ZFP64: variants seen among roughly 807,000 people sequenced by gnomAD.
ZFP64 encodes zinc finger protein 64.
ZFP64 carries 14 observed loss-of-function variants against 51.6 expected under a neutral mutation model. The observed-to-expected ratio is 0.27, with a 90% CI of 0.18 to 0.42. ZFP64 has a LOEUF of 0.42. Ranked by LOEUF, ZFP64 falls within the 10% of genes least tolerant of loss-of-function variation. The pLI, the probability that ZFP64 is intolerant of heterozygous loss-of-function variation, is 1.00. For synonymous variants in ZFP64, 375 were observed against 361.4 expected, an observed-to-expected ratio of 1.04 and a Z score of -0.43; for missense variants, 754 against 906.8, an observed-to-expected ratio of 0.83 and a Z score of 2.16.
chr20:52,156,398 C>T (rs1981323519), intron 5 of ZFP64, among the ~76,000 whole-genome samples: 2 of 152,228 alleles, frequency 1.3e-5, no homozygotes, highest in East Asian at 1.9e-4. Flanking sequence ...TGCTTGCTTA[C>T]ACCTCGGTCA....
At chr20:52,189,174 G>C (rs545326847) in intron 1 of ZFP64, among the ~76,000 whole-genome samples, 1 of 152,128 alleles carries the variant, frequency 6.6e-6, no homozygotes, top group South Asian at 2.1e-4. Flanking sequence ...GCCGAGATGG[G>C]TGGATCACAA....
At chr20:52,096,685 T>A (rs2078992173) in intron 7 of ZFP64, 1 of 182,662 alleles carries the variant, frequency 5.5e-6, no homozygotes, top group African/African-American at 2.3e-5. Context: ...GGTCAGGAGT[T>A]CGAGACCAGC....
chr20:52,085,403 C>T lies in ZFP64; in HGVS notation c.1229-137G>A. On this transcript the variant is annotated intron_variant, in intron 8 of 8. Coordinates refer to the ZFP64 transcript ENST00000361387. This position sits in a 1 kb window ranked among gnomAD's most constrained non-coding sequence, Gnocchi z 4.3. ...TAAACCCAACCTCCTAATGACAACA[C>T]TTGTTGTGCATATTAATGCAATCCT... 1 of 913,628 alleles carries T rather than the reference C, an allele frequency of 1.1e-6. No homozygotes were observed. The highest frequency in any genetic ancestry group is 2.2e-4 in the Middle Eastern group (1 of 4,482). 56.6% of individuals were successfully genotyped at this position (913,628 alleles called of 1,614,324 possible). A position where few individuals can be genotyped will look rare whatever the true frequency, so the allele number is the denominator to read the frequency against.
intron 5 of ZFP64, among the ~76,000 whole-genome samples, chr20:52,136,096 C>CAAAAAAAAAA (rs71192597): frequency 7.9e-5 from 3 of 38,034 alleles, no homozygotes; most frequent in African/African-American, 1.1e-4. Context: ...GAGACTCTCT[C>CAAAAAAAAAA]AAAAAAAAAA....
At chr20:52,088,470 G>A in exon 8 of ZFP64, 6 of 1,614,170 alleles carry the variant, frequency 3.7e-6, no homozygotes, top group Non-Finnish European at 4.2e-6. Context: ...TTGTACGGCC[G>A]CTCATCAGAG....
At chr20:52,189,982 CTCA>C (rs944562491) in intron 1 of ZFP64, among the ~76,000 whole-genome samples, 5 of 152,052 alleles carry the variant, frequency 3.3e-5, no homozygotes, top group African/African-American at 1.2e-4. Flanking sequence ...AAAATTATGC[CTCA>C]TAATTTTCTG....
chr20:52,123,069 C>A (rs1426055007), intron 5 of ZFP64, among the ~76,000 whole-genome samples: 2 of 152,090 alleles, frequency 1.3e-5, no homozygotes, highest in African/African-American at 4.8e-5. Context: ...TGGCTCACTG[C>A]AACCTCCACC....
chr20:52,152,593 T>C lies in ZFP64; in HGVS notation c.1599A>G (p.Glu533=). The change falls in exon 6 of 6, where the codon GAA becomes GAG. Residue 533 remains glutamate, a synonymous_variant. Transcript: ENST00000216923. The part of the protein sequence containing the change: ...PPALVAQNPE[E]LPGNSRLQIL... ...TCTGCAGCCGGCTGTTCCCTGGGAG[T>C]TCCTCTGGGTTCTGGGCCACCAAGG... is the stretch of plus-strand genomic sequence containing the variant. 2 of 1,545,410 alleles carry C rather than the reference T, an allele frequency of 1.3e-6. No homozygotes were observed. The highest frequency in any genetic ancestry group is 1.7e-6 in the Non-Finnish European group (2 of 1,149,976).
exon 9 of ZFP64, chr20:52,084,497 G>A (rs2123190398): frequency 6.6e-7 from 1 of 1,511,758 alleles, no homozygotes; most frequent in South Asian, 1.3e-5. Context: ...CTCACCTCTG[G>A]AGGGCTGGGC....
At chr20:52,186,482 T>G (rs960004448) in intron 2 of ZFP64, among the ~76,000 whole-genome samples, 1 of 152,002 alleles carries the variant, frequency 6.6e-6, no homozygotes, top group Admixed American at 6.6e-5. Context: ...ACTCAAGGAT[T>G]GTACCCATAC....
In ZFP64 at chr20:52,144,578, C is replaced by CAAAAAAAAAAAAAAAAAAAAAAA. The variant is rs1156545584; in HGVS notation, c.763+15522_763+15544dup. ...CTGGTGACAGAGCGAGACTCCGTCTCAAAAAAAAAAAAAAAAAAAAAAAAT... is the reference window on the plus strand; with the variant it reads ...CTGGTGACAGAGCGAGACTCCGTCTCAAAAAAAAAAAAAAAAAAAAAAAAAAAAAAAAAAAAAAAAAAAAAAAT... On this transcript the variant is annotated intron_variant, in intron 5 of 8. Coordinates refer to the ZFP64 transcript ENST00000361387. Among the ~76,000 whole-genome samples the CAAAAAAAAAAAAAAAAAAAAAAA allele has an allele frequency of 1.0e-3, 24 of 23,326 alleles. 1 individual carries two copies. Among genetic ancestry groups the CAAAAAAAAAAAAAAAAAAAAAAA allele is most frequent in the South Asian group, 4.8e-3 (2 of 414 alleles). The allele number at this position is 23,326 out of a possible 152,430, so 15.3% of individuals were successfully genotyped here. A position where few individuals can be genotyped will look rare whatever the true frequency, so the allele number is the denominator to read the frequency against.
chr20:52,191,483 G>T lies in ZFP64; in HGVS notation c.46+108C>A. 1 of 1,313,300 alleles carries T rather than the reference G, an allele frequency of 7.6e-7. No individual in the cohort carries two copies. Among genetic ancestry groups the T allele is most frequent in the Non-Finnish European group, 9.8e-7 (1 of 1,021,436 alleles). The allele number at this position is 1,313,300 out of a possible 1,614,324, so 81.4% of individuals were successfully genotyped here. On this transcript the variant is annotated intron_variant, in intron 1 of 5. Coordinates refer to ENST00000216923, the MANE Select transcript of ZFP64 (RefSeq NM_018197.3). The surrounding 1 kb of genome is among the most constrained non-coding windows in gnomAD (Gnocchi z 4.3). ...AGACGCGGCTCCGAGCCGTCACCCCGATTTCGGGGCCCCGGGCCTGCTGGC... is the reference window on the plus strand; with the variant it reads ...AGACGCGGCTCCGAGCCGTCACCCCTATTTCGGGGCCCCGGGCCTGCTGGC...
chr20:52,122,530 A>G (rs918698191), intron 5 of ZFP64, among the ~76,000 whole-genome samples: 1 of 151,084 alleles, frequency 6.6e-6, no homozygotes, highest in Non-Finnish European at 1.5e-5. Flanking sequence ...AAAGAAATAC[A>G]TTTTATAAGA....
At chr20:52,110,069 C>T (rs1259056362) in intron 5 of ZFP64, among the ~76,000 whole-genome samples, 2 of 152,088 alleles carry the variant, frequency 1.3e-5, no homozygotes, top group Non-Finnish European at 2.9e-5. Flanking sequence ...AAGACCTGGG[C>T]CGTACACTCC....
intron 2 of ZFP64, among the ~76,000 whole-genome samples, chr20:52,177,217 A>G (rs1360032840): frequency 6.6e-6 from 1 of 152,030 alleles, no homozygotes; most frequent in African/African-American, 2.4e-5. Context: ...TAAAGTTTAG[A>G]TATCTTTATA....
In ZFP64 at chr20:52,171,498, A is replaced by AT. The variant is rs967052047; in HGVS notation, c.287-5474dup. On this transcript the variant is annotated intron_variant, in intron 2 of 5. Coordinates refer to ENST00000216923, the MANE Select transcript of ZFP64 (RefSeq NM_018197.3). ...TGGACCAATTTGGGTGTTTTATTTC[A>AT]TTTTTTTTTTAGATGGAGTCTCGCT... 5.7e-4 allele frequency among the ~76,000 whole-genome samples: 85 copies of AT among 148,322 alleles called. No individual in the cohort carries two copies. The Middle Eastern group carries it at 0.01, about 18-fold the overall frequency.
downstream of ZFP64, among the ~76,000 whole-genome samples, chr20:52,147,006 C>T (rs1487374616): frequency 5.3e-5 from 8 of 152,292 alleles, no homozygotes; most frequent in Middle Eastern, 3.4e-3. Context: ...CAAATACTTA[C>T]GGCTAACAAT....
chr20:52,160,475 G>T lies in ZFP64; in HGVS notation c.512-101C>A. On this transcript the variant is annotated intron_variant, in intron 4 of 5. Coordinates refer to ENST00000216923, the MANE Select transcript of ZFP64 (RefSeq NM_018197.3). This position sits in a 1 kb window ranked among gnomAD's most constrained non-coding sequence, Gnocchi z 4.2. ...ACGAAAAAAGTCATATACAACCACCGAAGAATATTCCAAAAACCCTAAAAC... is the reference window on the plus strand; with the variant it reads ...ACGAAAAAAGTCATATACAACCACCTAAGAATATTCCAAAAACCCTAAAAC... 1.4e-6 allele frequency: 2 copies of T among 1,465,040 alleles called. No individual in the cohort carries two copies. Among genetic ancestry groups the T allele is most frequent in the Admixed American group, 2.3e-5 (1 of 43,004 alleles). The allele number at this position is 1,465,040 out of a possible 1,614,324, so 90.8% of individuals were successfully genotyped here. A position where few individuals can be genotyped will look rare whatever the true frequency, so the allele number is the denominator to read the frequency against.
At chr20:52,150,310 ATAT>A (rs928771570), downstream of ZFP64, among the ~76,000 whole-genome samples, 1 of 152,064 alleles carries the variant, frequency 6.6e-6, no homozygotes, top group Non-Finnish European at 1.5e-5. Flanking sequence ...TTTCCTAGTA[ATAT>A]TCTGTTTTTC....
Sources: gnomAD v4.1 joint callset for allele counts (sites outside exome capture counted in the v4.1 genomes callset) on GRCh38, gnomAD v4.1.1 for gene constraint, Gnocchi (gnomAD v3.1) non-coding constraint, MANE v1.5 for transcripts, NCBI Gene and HGNC (gene_info 2026-07-23, HGNC 2026-07-21) for gene names.